PPIP5K2: variants seen among roughly 807,000 people sequenced by gnomAD.
PPIP5K2 encodes diphosphoinositol pentakisphosphate kinase 2, also known as inositol hexakisphosphate and diphosphoinositol-pentakisphosphate kinase 2.
PPIP5K2 carries 105 observed loss-of-function variants against 154.6 expected under a neutral mutation model. The ratio of observed to expected loss-of-function variants is 0.68; its 90% CI spans 0.58 to 0.80. The LOEUF is 0.80. PPIP5K2 is among the 30% of genes least tolerant of loss of function. The pLI, the probability that PPIP5K2 is intolerant of heterozygous loss-of-function variation, is 0.00. For synonymous variants in PPIP5K2, 480 were observed against 490.3 expected, an observed-to-expected ratio of 0.98 and a Z score of 0.28; for missense variants, 992 against 1,504.6, an observed-to-expected ratio of 0.66 and a Z score of 5.64.
At position 103,201,518 on chromosome 5, in the gene PPIP5K2, G is replaced by A. The variant is rs1280319503; in HGVS notation, c.3620-4G>A. 4 of 1,499,052 alleles carry A rather than the reference G, an allele frequency of 2.7e-6. No homozygotes were observed. The highest frequency in any genetic ancestry group is 4.7e-5 in the East Asian group (2 of 42,856). The allele number at this position is 1,499,052 out of a possible 1,614,324, so 92.9% of individuals were successfully genotyped here. ...TTTTTTTTTTTTGTTTTTGTTTTAT[G>A]TAGCTACAAGTGGACCTTCTAGTGC... On this transcript the variant is annotated splice_polypyrimidine_tract_variant and splice_region_variant and intron_variant, in intron 30 of 30. Coordinates refer to ENST00000358359, the MANE Select transcript of PPIP5K2 (RefSeq NM_001276277.3).
chr5:103,161,287 A>G (rs1796194796), intron 17 of PPIP5K2, among the ~76,000 whole-genome samples: 1 of 152,074 alleles, frequency 6.6e-6, no homozygotes. Flanking sequence ...AAGGACATTA[A>G]CTCATCATTT....
intron 21 of PPIP5K2, among the ~76,000 whole-genome samples, chr5:103,177,145 T>C (rs1448393719): frequency 7.1e-6 from 1 of 140,302 alleles, no homozygotes; most frequent in African/African-American, 2.5e-5. Flanking sequence ...AATTCATTAG[T>C]GTTTGTCATA....
chr5:103,126,575 C>G (rs1417874582), intron 1 of PPIP5K2, among the ~76,000 whole-genome samples: 1 of 152,030 alleles, frequency 6.6e-6, no homozygotes, highest in African/African-American at 2.4e-5. Flanking sequence ...TTAAGTCACA[C>G]GATCGATCAC....
chr5:103,142,214 C>T (rs375876094), intron 5 of PPIP5K2, among the ~76,000 whole-genome samples: 16 of 152,202 alleles, frequency 1.1e-4, no homozygotes, highest in South Asian at 8.3e-4. Context: ...AGAAATCCAG[C>T]GCAGCGCCGG....
At chr5:103,141,346 T>C (rs900210427) in intron 5 of PPIP5K2, among the ~76,000 whole-genome samples, 1 of 152,066 alleles carries the variant, frequency 6.6e-6, no homozygotes, top group African/African-American at 2.4e-5. Flanking sequence ...GGAGTGAAGC[T>C]GCAGACCTTC....
At chr5:103,171,422 A>G (rs1797964507) in intron 19 of PPIP5K2, among the ~76,000 whole-genome samples, 1 of 151,568 alleles carries the variant, frequency 6.6e-6, no homozygotes, top group Non-Finnish European at 1.5e-5. Context: ...TCCCAAAGAC[A>G]GTTCAATGAC....
chr5:103,183,450 T>C, intron 25 of PPIP5K2, 43 bp downstream of exon 25: 1 of 1,524,546 alleles, frequency 6.6e-7, no homozygotes, highest in Non-Finnish European at 9.0e-7. Context: ...CTCCCTGCAT[T>C]CAGAGCAACA....
intron 28 of PPIP5K2, 76 bp from the exon 29 acceptor site, chr5:103,190,766 G>A (rs1377885477): frequency 1.3e-5 from 17 of 1,354,878 alleles, no homozygotes; most frequent in Non-Finnish European, 1.7e-5. Flanking sequence ...GTTCTAAGCA[G>A]TAGTCTTCCT....
At chr5:103,187,093 A>T (rs1204051913) in intron 27 of PPIP5K2, among the ~76,000 whole-genome samples, 1 of 152,106 alleles carries the variant, frequency 6.6e-6, no homozygotes. Context: ...TTGCCAGCTC[A>T]TCTTGCTTTT....
At chr5:103,136,265 G>C (rs1791484750) in intron 3 of PPIP5K2, among the ~76,000 whole-genome samples, 1 of 152,150 alleles carries the variant, frequency 6.6e-6, no homozygotes, top group Non-Finnish European at 1.5e-5. Flanking sequence ...GTGCCCCCAT[G>C]CCTGGCCCAC....
chr5:103,187,197 G>T, intron 27 of PPIP5K2, 117 bp from the exon 28 acceptor site: 2 of 682,622 alleles, frequency 2.9e-6, no homozygotes, highest in East Asian at 2.8e-5. Flanking sequence ...TTCTCTCATT[G>T]TCCCTTCTGC....
chr5:103,124,296 C>A (rs939188889), intron 1 of PPIP5K2, among the ~76,000 whole-genome samples: 1 of 139,002 alleles, frequency 7.2e-6, no homozygotes, highest in Non-Finnish European at 1.6e-5. Context: ...AAAAAAAAAT[C>A]TCCTCTTGTA....
intron 17 of PPIP5K2, among the ~76,000 whole-genome samples, chr5:103,165,928 T>C (rs2149663004): frequency 6.6e-6 from 1 of 152,184 alleles, no homozygotes. Context: ...AACTTTCTGC[T>C]TAGAGTGCCA....
In PPIP5K2 at chr5:103,204,544, A is replaced by G. The variant is rs1554231662; in HGVS notation, c.*2910A>G. 1 of 152,180 alleles carries G rather than the reference A, an allele frequency of 6.6e-6. No homozygotes were observed. Among genetic ancestry groups the G allele is most frequent in the East Asian group, 1.9e-4 (1 of 5,176 alleles). The allele number at this position is 152,180 out of a possible 1,614,324, so 9.4% of individuals were successfully genotyped here. A position where few individuals can be genotyped will look rare whatever the true frequency, so the allele number is the denominator to read the frequency against. On this transcript the variant is annotated 3_prime_UTR_variant, in exon 31 of 31. Transcript: ENST00000358359. ...ACTACAGCCTTGAACTCCTGGGCTCAAGAAATCTTTCTGCTTCAGCCTCCT... is the reference window on the plus strand; with the variant it reads ...ACTACAGCCTTGAACTCCTGGGCTCGAGAAATCTTTCTGCTTCAGCCTCCT...
intron 5 of PPIP5K2, among the ~76,000 whole-genome samples, chr5:103,145,500 C>T (rs1027003812): frequency 1.3e-5 from 2 of 151,958 alleles, no homozygotes; most frequent in Non-Finnish European, 2.9e-5. Context: ...CCTAAGGGTC[C>T]ATTAATGGAT....
At chr5:103,165,180 T>C (rs190974811) in intron 17 of PPIP5K2, among the ~76,000 whole-genome samples, 1 of 152,242 alleles carries the variant, frequency 6.6e-6, no homozygotes, top group Admixed American at 6.6e-5. Flanking sequence ...TTTTCTTTAT[T>C]GATAAGACAG....
At chr5:103,121,738 G>T (rs554723022) in intron 1 of PPIP5K2, among the ~76,000 whole-genome samples, 31 of 152,318 alleles carry the variant, frequency 2.0e-4, no homozygotes, top group African/African-American at 7.2e-4. Context: ...CTGATTTGCA[G>T]AAAATTTTAA....
At position 103,201,655 on chromosome 5, in the gene PPIP5K2, CT is replaced by C. The variant is rs1240593191; in HGVS notation, c.*26del. 2.7e-6 allele frequency: 4 copies of C among 1,459,912 alleles called. No individual in the cohort carries two copies. Among genetic ancestry groups the C allele is most frequent in the Non-Finnish European group, 3.8e-6 (4 of 1,054,786 alleles). 90.4% of individuals were successfully genotyped at this position (1,459,912 alleles called of 1,614,324 possible). ...AATGAAATCTTAGCAGAAGCTGGAA[CT>C]TTTTATACTTATAAAAATAGTATGT... On this transcript the variant is annotated 3_prime_UTR_variant, in exon 31 of 31. Coordinates refer to ENST00000358359, the MANE Select transcript of PPIP5K2 (RefSeq NM_001276277.3).
intron 14 of PPIP5K2, among the ~76,000 whole-genome samples, chr5:103,157,622 AC>A (rs1421452521): frequency 6.6e-6 from 1 of 152,096 alleles, no homozygotes; most frequent in African/African-American, 2.4e-5. Flanking sequence ...TACTAAAAAT[AC>A]AAAAATTAGC....
Sources: allele counts gnomAD v4.1 joint callset (sites outside exome capture counted in the v4.1 genomes callset), GRCh38; gene constraint gnomAD v4.1.1; transcripts MANE v1.5; gene names NCBI Gene and HGNC (gene_info 2026-07-23, HGNC 2026-07-21).